The following COL11A1 variants were observed in gnomAD, a reference collection of about 807,000 sequenced individuals.
COL11A1 encodes collagen alpha-1(XI) chain.
A neutral mutation model predicts 265.2 loss-of-function variants in COL11A1; 74 were observed. The observed-to-expected ratio is 0.28, with a 90% confidence interval of 0.23 to 0.34. The LOEUF is 0.34. Ranked by LOEUF, COL11A1 falls within the 10% of genes least tolerant of loss-of-function variation. COL11A1 has a pLI of 1.00. For synonymous variants in COL11A1, 816 were observed against 727.6 expected (o/e 1.12, Z -1.96); for missense variants, 2,165 against 2,263.6 (o/e 0.96, Z 0.88).
chr1:102,894,827 G>A (rs965479272), intron 57 of COL11A1, among the ~76,000 whole-genome samples: 2 of 152,094 alleles, frequency 1.3e-5, no homozygotes, highest in African/African-American at 2.4e-5. Context: ...CCAGGCTGGA[G>A]TGCAATGGTG....
intron 66 of COL11A1, 54 bp from the exon 67 acceptor site, chr1:102,878,219 G>T (rs930447176): frequency 2.0e-6 from 3 of 1,506,152 alleles, no homozygotes; most frequent in South Asian, 2.4e-5. Context: ...ATTTTTAAAT[G>T]CATCTTATTT....
At chr1:103,001,345 T>TCC (rs1665089961) in intron 24 of COL11A1, 2 of 396,014 alleles carry the variant, frequency 5.1e-6, no homozygotes, top group African/African-American at 4.1e-5. Context: ...AGAAAAAAGG[T>TCC]GTTGGAAAGA....
rs139601762 is a variant in COL11A1 at position 103,086,205 on chromosome 1, A to C, written c.107-3233T>G. On this transcript the variant is annotated intron_variant, in intron 1 of 66. Transcript: ENST00000370096. ...ATGTTTCTGAAAACCACAGCATTTT[A>C]TCTGCTTAAATTATCTTATATTTTT... Among the ~76,000 whole-genome samples the C allele has an allele frequency of 2.8e-3, 427 of 152,314 alleles. 2 individuals carry two copies. Among genetic ancestry groups the C allele is most frequent in the Non-Finnish European group, 5.1e-3 (350 of 68,014 alleles).
chr1:102,930,497 T>C (rs1224618269), intron 46 of COL11A1, among the ~76,000 whole-genome samples: 3 of 152,090 alleles, frequency 2.0e-5, no homozygotes, highest in Non-Finnish European at 2.9e-5. Context: ...ATTTTGCCAG[T>C]ATTTTATTGA....
rs758693819 is a variant in COL11A1 at position 102,898,194 on chromosome 1, ATGAT to A, written c.4249-20_4249-17del. On this transcript the variant is annotated splice_polypyrimidine_tract_variant and intron_variant, in intron 56 of 66. Coordinates refer to ENST00000370096, the MANE Select transcript of COL11A1 (RefSeq NM_001854.4). ...CTTGTTCTCCCTAGAGAAAATAAAA[ATGAT>A]TGATTTTTAAAATTAATAAAATAAT... The A allele has an allele frequency of 1.1e-4, 144 of 1,278,360 alleles. 1 individual carries two copies. The highest frequency in any genetic ancestry group is 1.3e-4 in the Non-Finnish European group (130 of 993,110). 79.2% of individuals were successfully genotyped at this position (1,278,360 alleles called of 1,614,324 possible).
At chr1:103,022,608 T>A in intron 8 of COL11A1, 134 bp downstream of exon 8, 1 of 963,836 alleles carries the variant, frequency 1.0e-6, no homozygotes, top group South Asian at 1.5e-5. Context: ...GGTGTCCTAG[T>A]GGTAATAGGC....
intron 4 of COL11A1, among the ~76,000 whole-genome samples, chr1:103,035,413 A>G (rs1346039246): frequency 2.6e-5 from 4 of 152,118 alleles, no homozygotes; most frequent in Admixed American, 2.0e-4. Context: ...ACTCAAAAAC[A>G]CACATCCACT....
chr1:103,017,195 A>T (rs764233947), intron 11 of COL11A1, among the ~76,000 whole-genome samples: 1 of 152,112 alleles, frequency 6.6e-6, no homozygotes, highest in Non-Finnish European at 1.5e-5. Context: ...TACTCAGTCC[A>T]GAATTTCTGA....
intron 4 of COL11A1, among the ~76,000 whole-genome samples, chr1:103,040,388 AC>A (rs1668714526): frequency 6.6e-6 from 1 of 151,592 alleles, no homozygotes; most frequent in Non-Finnish European, 1.5e-5. Context: ...CAGATTATAT[AC>A]TTTTTTGTAT....
intron 66 of COL11A1, among the ~76,000 whole-genome samples, chr1:102,878,473 C>T (rs1415908365): frequency 7.5e-4 from 7 of 9,344 alleles, no homozygotes; most frequent in African/African-American, 1.9e-3. Flanking sequence ...GTATTGAATC[C>T]TCATATATAT....
intron 9 of COL11A1, among the ~76,000 whole-genome samples, chr1:103,020,773 G>A (rs1267071357): frequency 2.3e-5 from 3 of 127,796 alleles, no homozygotes; most frequent in African/African-American, 5.7e-5. Flanking sequence ...TGTATAAGGT[G>A]TAAGGAAGGG....
At chr1:102,962,081 T>A in intron 40 of COL11A1, 95 bp downstream of exon 40, 1 of 1,132,266 alleles carries the variant, frequency 8.8e-7, no homozygotes, top group Non-Finnish European at 1.3e-6. Context: ...TGTTTATATA[T>A]CTTCCCTTAA....
chr1:103,107,995 G>C (rs1436347695), intron 1 of COL11A1, 78 bp downstream of exon 1: 3 of 990,730 alleles, frequency 3.0e-6, no homozygotes, highest in Non-Finnish European at 4.8e-6. Flanking sequence ...CGGGGAGGAA[G>C]GGTAAAGTGG....
chr1:102,927,654 A>C (rs1656771652), intron 46 of COL11A1, among the ~76,000 whole-genome samples: 1 of 152,084 alleles, frequency 6.6e-6, no homozygotes, highest in South Asian at 2.1e-4. Context: ...AAAAAACAAA[A>C]AAAAAACCAA....
chr1:102,878,245 A>G, intron 66 of COL11A1, 80 bp from the exon 67 acceptor site: 1 of 1,287,966 alleles, frequency 7.8e-7, no homozygotes, highest in Non-Finnish European at 1.1e-6. Context: ...TGGGCTTCTG[A>G]GTGGAGGTAA....
intron 54 of COL11A1, among the ~76,000 whole-genome samples, chr1:102,910,543 A>G (rs1244938840): frequency 6.6e-6 from 1 of 152,166 alleles, no homozygotes; most frequent in Admixed American, 6.6e-5. Context: ...ATTTTGAAGC[A>G]AGGTTTAATT....
intron 31 of COL11A1, among the ~76,000 whole-genome samples, chr1:102,982,003 A>G (rs902774057): frequency 6.6e-6 from 1 of 151,968 alleles, no homozygotes; most frequent in Non-Finnish European, 1.5e-5. Context: ...ATCAGCTTAC[A>G]CATAGGAAAA....
chr1:102,974,761 G>T (rs1368223368), intron 36 of COL11A1, 69 bp downstream of exon 36: 9 of 1,156,482 alleles, frequency 7.8e-6, no homozygotes, highest in Non-Finnish European at 1.2e-5. Flanking sequence ...ATATATAAAT[G>T]TAAGCTGTGA....
chr1:103,016,262 T>C (rs1190895240), intron 11 of COL11A1, among the ~76,000 whole-genome samples: 1 of 121,390 alleles, frequency 8.2e-6, no homozygotes, highest in African/African-American at 2.7e-5. Flanking sequence ...CTTTTTAACA[T>C]AGATAATGAC....
Sources: allele counts gnomAD v4.1 joint callset (sites outside exome capture counted in the v4.1 genomes callset), GRCh38; gene constraint gnomAD v4.1.1; transcripts MANE v1.5; gene names NCBI Gene and HGNC (gene_info 2026-07-23, HGNC 2026-07-21).